The following CLDN18 variants were observed in gnomAD, a reference collection of about 807,000 sequenced individuals.
CLDN18 encodes the protein claudin 18, also known as claudin-18.
CLDN18 carries 20 observed loss-of-function variants against 25.0 expected under a neutral mutation model. The ratio of observed to expected loss-of-function variants is 0.80; its 90% CI spans 0.56 to 1.16. The LOEUF (loss-of-function observed/expected upper bound fraction) is 1.16. Ranked by LOEUF, CLDN18 falls within the 50% of genes most tolerant of loss-of-function variation. The pLI is 0.00. For missense variants in CLDN18, 297 were observed against 345.4 expected (o/e 0.86, Z 1.11); for synonymous variants, 125 against 135.6 (o/e 0.92, Z 0.54).
intron 1 of CLDN18, among the ~76,000 whole-genome samples, chr3:138,015,903 GTTGTA>G (rs1475891229): frequency 2.0e-5 from 3 of 152,158 alleles, no homozygotes; most frequent in South Asian, 2.1e-4. Context: ...AATGCAACAA[GTTGTA>G]TTGTATAAAC....
upstream of CLDN18, among the ~76,000 whole-genome samples, chr3:138,007,945 CTG>C (rs1372488707): frequency 6.6e-6 from 1 of 152,204 alleles, no homozygotes; most frequent in Non-Finnish European, 1.5e-5. Context: ...GATCATGTAA[CTG>C]TTGCTTACCC....
At chr3:137,999,302 T>C (rs1008860509) in intron 1 of CLDN18, among the ~76,000 whole-genome samples, 1 of 152,174 alleles carries the variant, frequency 6.6e-6, no homozygotes, top group African/African-American at 2.4e-5. Flanking sequence ...CCTGTTCCCC[T>C]AACTGGATGG....
intron 1 of CLDN18, among the ~76,000 whole-genome samples, chr3:137,999,453 C>A (rs1287768156): frequency 6.6e-6 from 1 of 152,236 alleles, no homozygotes; most frequent in East Asian, 1.9e-4. Context: ...TTCCCCCTCA[C>A]TGAGTTGGGG....
In CLDN18 at chr3:138,003,900, G is replaced by A. The variant is rs182340231; in HGVS notation, c.220+4812G>A. ...AATTATAAAAGTTTAGGCCCGGCAC[G>A]GTGACTCACACCTATAATCCCAGCA... On this transcript the variant is annotated intron_variant, in intron 1 of 4. Coordinates refer to the CLDN18 transcript ENST00000343735. Among the ~76,000 whole-genome samples, 9 of 152,162 alleles carry A rather than the reference G, an allele frequency of 5.9e-5. No homozygotes were observed. The East Asian group carries it at 9.6e-4, about 16-fold the overall frequency.
intron 1 of CLDN18, among the ~76,000 whole-genome samples, chr3:138,018,020 C>A (rs1318009048): frequency 6.6e-6 from 1 of 152,150 alleles, no homozygotes; most frequent in East Asian, 1.9e-4. Context: ...AAGCATCATG[C>A]CCTAGGATGG....
At chr3:138,007,775 A>T (rs545642397), upstream of CLDN18, among the ~76,000 whole-genome samples, 11 of 152,324 alleles carry the variant, frequency 7.2e-5, no homozygotes, top group South Asian at 2.1e-4. Context: ...CAGTGGTAGA[A>T]TCATTCCTGA....
intron 3 of CLDN18, among the ~76,000 whole-genome samples, chr3:138,025,049 T>C (rs1007913196): frequency 6.6e-5 from 10 of 152,176 alleles, no homozygotes; most frequent in Admixed American, 6.5e-4. Context: ...TAAATGAACA[T>C]CAACTTACAT....
chr3:137,998,891 G>T, exon 1 of CLDN18: 1 of 1,614,244 alleles, frequency 6.2e-7, no homozygotes. Context: ...GCCTGTCAGG[G>T]CTTGGGGTTC....
upstream of CLDN18, among the ~76,000 whole-genome samples, chr3:138,007,638 G>A (rs965801180): frequency 3.3e-5 from 5 of 151,744 alleles, no homozygotes; most frequent in South Asian, 2.1e-4. Context: ...AAACCTGCAC[G>A]TTCTGCACAT....
chr3:138,009,604 CTG>C (rs1942106500), upstream of CLDN18, among the ~76,000 whole-genome samples: 1 of 152,152 alleles, frequency 6.6e-6, no homozygotes, highest in African/African-American at 2.4e-5. Flanking sequence ...TTTAGAGTAT[CTG>C]TGGTTCCAGG....
chr3:138,029,954 G>C (rs780506547), intron 4 of CLDN18, 47 bp downstream of exon 4: 1 of 1,224,662 alleles, frequency 8.2e-7, no homozygotes, highest in South Asian at 1.3e-5. Context: ...TTTGTTCAGG[G>C]TCTATTTTAA....
chr3:138,006,333 A>G (rs544703574), upstream of CLDN18, among the ~76,000 whole-genome samples: 7 of 152,308 alleles, frequency 4.6e-5, no homozygotes, highest in South Asian at 1.2e-3. Flanking sequence ...TTGCCTAATT[A>G]CCATAGACAG....
upstream of CLDN18, among the ~76,000 whole-genome samples, chr3:138,008,376 G>A (rs1942092015): frequency 6.6e-6 from 1 of 152,060 alleles, no homozygotes; most frequent in South Asian, 2.1e-4. Flanking sequence ...GGCCGAGGCA[G>A]GCAGATCATT....
chr3:138,001,396 G>A (rs1237507312), intron 1 of CLDN18, among the ~76,000 whole-genome samples: 7 of 76,532 alleles, frequency 9.1e-5, no homozygotes, highest in African/African-American at 2.6e-4. Context: ...TTTTTTTTTC[G>A]CATTTTTAGT....
chr3:138,010,554 G>A, intron 1 of CLDN18, 109 bp downstream of exon 1: 5 of 1,381,252 alleles, frequency 3.6e-6, no homozygotes, highest in Non-Finnish European at 4.0e-6. Context: ...TGGCAGCTCT[G>A]GCTCAGAATG....
At chr3:138,007,792 C>T (rs748925876), upstream of CLDN18, among the ~76,000 whole-genome samples, 2 of 152,166 alleles carry the variant, frequency 1.3e-5, no homozygotes, top group Non-Finnish European at 2.9e-5. Flanking sequence ...CTGAATTATT[C>T]CAACAACAGT....
intron 1 of CLDN18, among the ~76,000 whole-genome samples, chr3:138,001,265 T>G (rs1942012559): frequency 6.6e-6 from 1 of 152,156 alleles, no homozygotes; most frequent in South Asian, 2.1e-4. Context: ...AAATTCCCAG[T>G]GCAGAAGCAC....
At chr3:138,026,553 G>A (rs1272843776) in intron 3 of CLDN18, among the ~76,000 whole-genome samples, 1 of 152,120 alleles carries the variant, frequency 6.6e-6, no homozygotes, top group Admixed American at 6.5e-5. Flanking sequence ...ACTGAGGCAG[G>A]AGAATCACTT....
intron 1 of CLDN18, chr3:138,004,513 A>G (rs1308747701): frequency 6.6e-6 from 1 of 152,188 alleles, no homozygotes; most frequent in Non-Finnish European, 1.5e-5. Flanking sequence ...CAGATATTCA[A>G]CCAAATTTTA....
Sources: allele counts gnomAD v4.1 joint callset (sites outside exome capture counted in the v4.1 genomes callset), GRCh38; gene constraint gnomAD v4.1.1; transcripts MANE v1.5; gene names NCBI Gene and HGNC (gene_info 2026-07-23, HGNC 2026-07-21).